The following SLC35F4 variants were observed in gnomAD, a reference collection of about 807,000 sequenced individuals.
SLC35F4 encodes the protein solute carrier family 35 member F4, also known as chromosome 14 open reading frame 36.
SLC35F4 carries 24 observed loss-of-function variants against 44.2 expected under a neutral mutation model. The observed-to-expected ratio is 0.54, with a 90% CI of 0.39 to 0.76. The LOEUF is 0.76. SLC35F4 is among the 30% of genes least tolerant of loss of function. SLC35F4 has a pLI of 0.00. For synonymous variants in SLC35F4, 238 were observed against 223.6 expected (o/e 1.06, Z -0.57); for missense variants, 562 against 586.1 (o/e 0.96, Z 0.42).
At chr14:57,733,831 G>A (rs960434283) in intron 1 of SLC35F4, among the ~76,000 whole-genome samples, 2 of 135,160 alleles carry the variant, frequency 1.5e-5, no homozygotes, top group South Asian at 2.5e-4. Flanking sequence ...GTGTTATAAA[G>A]GATAATGCTT....
At chr14:57,959,596 A>T (rs954760425) in intron 1 of SLC35F4, among the ~76,000 whole-genome samples, 2 of 152,188 alleles carry the variant, frequency 1.3e-5, no homozygotes, top group African/African-American at 2.4e-5. Flanking sequence ...TAGCCATGAC[A>T]AATGTGACCA....
At chr14:57,766,004 T>C (rs73291841) in intron 1 of SLC35F4, among the ~76,000 whole-genome samples, 2,947 of 152,246 alleles carry the variant, frequency 0.019, 93 homozygotes, top group African/African-American at 0.062. Context: ...TGTAAACCCA[T>C]AGACTGCCTT....
intron 1 of SLC35F4, among the ~76,000 whole-genome samples, chr14:57,766,685 C>G (rs2077242990): frequency 6.6e-6 from 1 of 152,220 alleles, no homozygotes; most frequent in South Asian, 2.1e-4. Context: ...AGGCTAGTGC[C>G]AAGTCAAAAT....
At chr14:57,870,156 G>GTGTGTGTGTGTGTGTGTGTGTGTGTC (rs1211320834), upstream of SLC35F4, among the ~76,000 whole-genome samples, 4 of 150,850 alleles carry the variant, frequency 2.7e-5, no homozygotes, top group African/African-American at 9.8e-5. Flanking sequence ...GTGTGTGTGT[G>GTGTGTGTGTGTGTGTGTGTGTGTGTC]TCTGTGTCTC....
At chr14:57,631,834 C>T (rs1419576142) in intron 1 of SLC35F4, among the ~76,000 whole-genome samples, 1 of 151,960 alleles carries the variant, frequency 6.6e-6, no homozygotes, top group Non-Finnish European at 1.5e-5. Context: ...CTTGACATGT[C>T]CAATCTCAAA....
At chr14:57,853,641 C>A (rs562212333) in intron 1 of SLC35F4, among the ~76,000 whole-genome samples, 1 of 152,304 alleles carries the variant, frequency 6.6e-6, no homozygotes, top group South Asian at 2.1e-4. Context: ...TGTCTGCTCT[C>A]TTGAATAGAG....
intron 1 of SLC35F4, among the ~76,000 whole-genome samples, chr14:57,944,989 T>G (rs1207961677): frequency 2.0e-5 from 3 of 152,116 alleles, no homozygotes; most frequent in Admixed American, 6.5e-5. Flanking sequence ...CTGGTGTCGC[T>G]CTTGTTATTG....
chr14:57,877,674 C>CTTTTTTTTTTTTT (rs139397949), intron 1 of SLC35F4, among the ~76,000 whole-genome samples: 3 of 52,440 alleles, frequency 5.7e-5, no homozygotes, highest in Admixed American at 2.3e-4. Context: ...TATTTTTTGA[C>CTTTTTTTTTTTTT]TTTTTTTTTT....
upstream of SLC35F4, among the ~76,000 whole-genome samples, chr14:57,866,958 A>AATAATC: frequency 2.6e-4 from 1 of 3,848 alleles, no homozygotes; most frequent in Admixed American, 2.5e-3. Flanking sequence ...GCTTCCTGCA[A>AATAATC]ATAATAATAA....
At chr14:57,937,645 G>GAA (rs1319830615) in intron 1 of SLC35F4, among the ~76,000 whole-genome samples, 1 of 116,502 alleles carries the variant, frequency 8.6e-6, no homozygotes, top group Non-Finnish European at 1.8e-5. Context: ...GAAAAGAAAA[G>GAA]AAAAGAAAAA....
chr14:57,715,255 G>C (rs74052987), intron 1 of SLC35F4, among the ~76,000 whole-genome samples: 3 of 152,080 alleles, frequency 2.0e-5, no homozygotes, highest in African/African-American at 7.2e-5. Context: ...AAGAGGGCCA[G>C]CAAGAAATCA....
chr14:57,574,318 A>G (rs2068668314), intron 4 of SLC35F4, among the ~76,000 whole-genome samples: 1 of 152,236 alleles, frequency 6.6e-6, no homozygotes, highest in African/African-American at 2.4e-5. Context: ...ATTACTCGTT[A>G]TATTCAAGTG....
chr14:57,667,190 A>C (rs561733580), intron 1 of SLC35F4, among the ~76,000 whole-genome samples: 41 of 140,060 alleles, frequency 2.9e-4, no homozygotes, highest in African/African-American at 1.1e-3. Flanking sequence ...ACCTGCAAGC[A>C]TGGGGGAGGG....
intron 1 of SLC35F4, among the ~76,000 whole-genome samples, chr14:57,861,958 C>A (rs1887716418): frequency 6.6e-6 from 1 of 152,150 alleles, no homozygotes; most frequent in Non-Finnish European, 1.5e-5. Flanking sequence ...CAAGTACTGG[C>A]AAATCCTTAA....
At chr14:57,929,848 A>G (rs1484295607) in intron 1 of SLC35F4, among the ~76,000 whole-genome samples, 1 of 152,208 alleles carries the variant, frequency 6.6e-6, no homozygotes, top group South Asian at 2.1e-4. Context: ...CCCAACACGC[A>G]TCTAGACCCT....
intron 1 of SLC35F4, among the ~76,000 whole-genome samples, chr14:57,622,882 A>G (rs970965601): frequency 6.6e-6 from 1 of 152,146 alleles, no homozygotes; most frequent in African/African-American, 2.4e-5. Context: ...AAGACTATTG[A>G]CACTATGAAG....
intron 1 of SLC35F4, among the ~76,000 whole-genome samples, chr14:57,919,254 T>C (rs1003135380): frequency 6.6e-6 from 1 of 152,200 alleles, no homozygotes; most frequent in Admixed American, 6.5e-5. Flanking sequence ...ACTAAATGTT[T>C]GAGATTTATT....
chr14:57,939,466 G>A (rs1389728807), intron 1 of SLC35F4, among the ~76,000 whole-genome samples: 1 of 152,210 alleles, frequency 6.6e-6, no homozygotes, highest in Non-Finnish European at 1.5e-5. Context: ...GCATTGGCCT[G>A]GAGACCAGAA....
Position 57,884,772 on chromosome 14 carries a change from G to A in SLC35F4, n.282+97141C>T, listed in dbSNP as rs536195558. ...GACTATATTAGTATGATGCTATTATGACTATTATAAAACAAAAAATAATAA... is the reference window on the plus strand; with the variant it reads ...GACTATATTAGTATGATGCTATTATAACTATTATAAAACAAAAAATAATAA... On this transcript the variant is annotated intron_variant and non_coding_transcript_variant, in intron 1 of 1. Coordinates refer to the SLC35F4 transcript ENST00000556568. Among the ~76,000 whole-genome samples, 11 of 152,086 alleles carry A rather than the reference G, an allele frequency of 7.2e-5. No individual in the cohort carries two copies. The South Asian group carries it at 2.1e-3, about 29-fold the overall frequency.
Sources: allele counts gnomAD v4.1 joint callset (sites outside exome capture counted in the v4.1 genomes callset), GRCh38; gene constraint gnomAD v4.1.1; transcripts MANE v1.5; gene names NCBI Gene and HGNC (gene_info 2026-07-23, HGNC 2026-07-21).